LAMB1: variants seen among roughly 807,000 people sequenced by gnomAD.
The protein encoded by LAMB1 is laminin subunit beta 1.
LAMB1 carries 121 observed loss-of-function variants against 222.3 expected under a neutral mutation model. The observed-to-expected ratio is 0.54, with a 90% CI of 0.47 to 0.63. The LOEUF (loss-of-function observed/expected upper bound fraction) is 0.63, where lower values mean the gene tolerates loss of function less well. Among genes scored for constraint, LAMB1 ranks in the 30% least tolerant of loss-of-function variants. The pLI is 0.00. For missense variants in LAMB1, 2,172 were observed against 2,240.8 expected (o/e 0.97, Z 0.62); for synonymous variants, 794 against 807.2 (o/e 0.98, Z 0.28).
At chr7:107,977,270 G>A (rs1030644348) in intron 9 of LAMB1, among the ~76,000 whole-genome samples, 1 of 152,150 alleles carries the variant, frequency 6.6e-6, no homozygotes, top group Non-Finnish European at 1.5e-5. Flanking sequence ...TTCAAGGGGA[G>A]GACATGCATC....
Position 107,986,063 on chromosome 7 carries a change from G to T in LAMB1, c.635C>A (p.Pro212His). ...EGEVIFRALDPAFKIEDPYSP... is the reference protein window; with the variant it reads ...EGEVIFRALDHAFKIEDPYSP... Reference sequence around the variant, plus strand: ...ATAAGGATCTTCTATTTTGAAAGCAGGATCTAAAGCACGAAATATCACCTA... The same window carrying T: ...ATAAGGATCTTCTATTTTGAAAGCATGATCTAAAGCACGAAATATCACCTA... Residue 212 changes from proline to histidine, a missense_variant, in exon 7 of 34, where the codon CCT becomes CAT. Transcript: ENST00000222399. 1 of 1,612,350 alleles carries T rather than the reference G, an allele frequency of 6.2e-7. No homozygotes were observed. The highest frequency in any genetic ancestry group is 1.1e-5 in the South Asian group (1 of 91,016).
At position 107,940,418 on chromosome 7, in the gene LAMB1, G is replaced by A. The variant is rs1050720900; in HGVS notation, c.3392-60C>T. On this transcript the variant is annotated intron_variant, in intron 24 of 33. Coordinates refer to ENST00000222399, the MANE Select transcript of LAMB1 (RefSeq NM_002291.3). ...TAATCATGAACCTCAGTGACAAGATGTGGCATTTAGAATACTCACTTCACT... is the reference window on the plus strand; with the variant it reads ...TAATCATGAACCTCAGTGACAAGATATGGCATTTAGAATACTCACTTCACT... 3.3e-6 allele frequency: 5 copies of A among 1,532,188 alleles called. No homozygotes were observed. The African/African-American group carries it at 6.8e-5, about 21-fold the overall frequency. The allele number at this position is 1,532,188 out of a possible 1,614,324, so 94.9% of individuals were successfully genotyped here.
intron 3 of LAMB1, among the ~76,000 whole-genome samples, chr7:107,999,164 C>T (rs747318992): frequency 1.1e-4 from 16 of 152,228 alleles, no homozygotes; most frequent in Non-Finnish European, 1.5e-4. Flanking sequence ...TGGGCATGAA[C>T]TAGGATGAAG....
Position 107,980,825 on chromosome 7 carries a change from CAAG to C in LAMB1, c.677-17_677-15del, listed in dbSNP as rs1255035291. On this transcript the variant is annotated splice_polypyrimidine_tract_variant and intron_variant, in intron 7 of 33. Transcript: ENST00000222399. The stretch of plus-strand genomic sequence containing the variant: ...TTTTTAATAAATCTAGGAAGGTCAT[CAAG>C]AAGATGAAAAGTCTGATCAGACAAG... 1 of 1,521,570 alleles carries C rather than the reference CAAG, an allele frequency of 6.6e-7. No individual in the cohort carries two copies. The highest frequency in any genetic ancestry group is 9.1e-7 in the Non-Finnish European group (1 of 1,099,292). The allele number at this position is 1,521,570 out of a possible 1,614,324, so 94.3% of individuals were successfully genotyped here.
chr7:107,986,044 A>G lies in LAMB1; in HGVS notation c.654T>C (p.Asp218=), dbSNP rs2034070430. ...TACTCTGTATCCTTGGGCTATAAGG[A>G]TCTTCTATTTTGAAAGCAGGATCTA... The part of the protein sequence containing the change: ...RALDPAFKIE[D]PYSPRIQNLL... The change falls in exon 7 of 34, where the codon GAT becomes GAC. Residue 218 remains aspartate, a synonymous_variant. Transcript: ENST00000222399. 6.2e-7 allele frequency: 1 copy of G among 1,611,140 alleles called. No individual in the cohort carries two copies. The highest frequency in any genetic ancestry group is 1.7e-5 in the Admixed American group (1 of 60,008).
At chr7:107,947,540 A>C (rs991435443) in intron 24 of LAMB1, among the ~76,000 whole-genome samples, 2 of 152,102 alleles carry the variant, frequency 1.3e-5, no homozygotes, top group Non-Finnish European at 2.9e-5. Flanking sequence ...CACAAACATA[A>C]CCAAGAGCCT....
intron 2 of LAMB1, chr7:108,001,966 C>T: frequency 6.9e-7 from 1 of 1,449,348 alleles, no homozygotes; most frequent in East Asian, 2.5e-5. Context: ...CAGGTCTGTC[C>T]AGCAGCGAGA....
chr7:107,989,011 C>T (rs1488208011), intron 5 of LAMB1, among the ~76,000 whole-genome samples: 1 of 152,206 alleles, frequency 6.6e-6, no homozygotes, highest in African/African-American at 2.4e-5. Context: ...CTCGGAGACA[C>T]TGACTTGCTA....
At chr7:107,957,805 A>G (rs536407801) in intron 20 of LAMB1, among the ~76,000 whole-genome samples, 2 of 152,324 alleles carry the variant, frequency 1.3e-5, no homozygotes, top group East Asian at 3.9e-4. Context: ...GAGAAAAAAG[A>G]ATGATGAGAA....
chr7:107,978,298 G>T, intron 8 of LAMB1, 131 bp from the exon 9 acceptor site: 1 of 1,054,568 alleles, frequency 9.5e-7, no homozygotes, highest in Non-Finnish European at 1.4e-6. Flanking sequence ...AGGGTTGTTT[G>T]GTTGTTTTTA....
intron 25 of LAMB1, among the ~76,000 whole-genome samples, chr7:107,937,588 C>G (rs1189719972): frequency 6.6e-6 from 1 of 152,146 alleles, no homozygotes; most frequent in Non-Finnish European, 1.5e-5. Context: ...GGAGTTCTGG[C>G]TCTATTCACA....
At chr7:107,996,938 C>T (rs1397745670) in intron 4 of LAMB1, among the ~76,000 whole-genome samples, 4 of 152,198 alleles carry the variant, frequency 2.6e-5, no homozygotes, top group Admixed American at 2.0e-4. Context: ...TCGGGGTACA[C>T]TGCAGATTTA....
chr7:107,964,660 T>G lies in LAMB1; in HGVS notation c.1590A>C (p.Ser530=), dbSNP rs139481973. The change falls in exon 14 of 34, where the codon TCA becomes TCC. Residue 530 remains serine, a synonymous_variant. Coordinates refer to ENST00000222399, the MANE Select transcript of LAMB1 (RefSeq NM_002291.3). The part of the protein sequence containing the change: ...NSCFAESGQC[S]CRPHMIGRQC... ...GACGTCCAATCATGTGAGGCCGGCA[T>G]GAGCACTGGCCTGACTCCGCAAAGC... 3,836 of 1,614,078 alleles carry G rather than the reference T, an allele frequency of 2.4e-3. 7 individuals are homozygous for G. The highest frequency in any genetic ancestry group is 3.0e-3 in the Non-Finnish European group (3,592 of 1,180,020).
At chr7:107,953,450 C>T (rs1562986376) in intron 22 of LAMB1, 80 bp downstream of exon 22, 1 of 1,048,336 alleles carries the variant, frequency 9.5e-7, no homozygotes, top group African/African-American at 1.6e-5. Context: ...GAAATAAATA[C>T]AGGAAGAATA....
At position 107,970,646 on chromosome 7, in the gene LAMB1, TTC is replaced by T. The variant is rs564356902; in HGVS notation, c.1562+2344_1562+2345del. Among the ~76,000 whole-genome samples, 390 of 152,278 alleles carry T rather than the reference TTC, an allele frequency of 2.6e-3. 3 individuals are homozygous for T. The highest frequency in any genetic ancestry group is 7.7e-3 in the African/African-American group (322 of 41,558). ...GCATTTACCTAGCAACCAATGCCAATTCTTTTTCATTAAAACAGGTAATCTAC... is the reference window on the plus strand; with the variant it reads ...GCATTTACCTAGCAACCAATGCCAATTTTTTCATTAAAACAGGTAATCTAC... On this transcript the variant is annotated intron_variant, in intron 13 of 33. Transcript: ENST00000222399.
intron 9 of LAMB1, 51 bp downstream of exon 9, chr7:107,977,996 T>C (rs754753798): frequency 1.4e-5 from 23 of 1,608,472 alleles, no homozygotes; most frequent in Non-Finnish European, 2.0e-5. Flanking sequence ...AATTAGGAAA[T>C]GGATACTAGA....
Position 107,964,653 on chromosome 7 carries a change from G to A in LAMB1, c.1597C>T (p.Pro533Ser), listed in dbSNP as rs1435414951. The A allele has an allele frequency of 3.1e-6, 5 of 1,613,994 alleles. No individual in the cohort carries two copies. The African/African-American group carries it at 6.7e-5, about 22-fold the overall frequency. Residue 533 changes from proline to serine, a missense_variant, in exon 14 of 34, where the codon CCT (proline) becomes TCT (serine). Physicochemically the swap from Pro to Ser is moderately conservative, Grantham distance 74 (BLOSUM62 -1). Transcript: ENST00000222399. ...TTGCACTGACGTCCAATCATGTGAG[G>A]CCGGCATGAGCACTGGCCTGACTCC... ...FAESGQCSCRPHMIGRQCNEV... is the reference protein window; with the variant it reads ...FAESGQCSCRSHMIGRQCNEV...
chr7:107,987,788 C>A lies in LAMB1; in HGVS notation c.424-1425G>T, dbSNP rs527810658. Among the ~76,000 whole-genome samples the A allele has an allele frequency of 9.2e-5, 14 of 152,320 alleles. No homozygotes were observed. In the South Asian group the frequency reaches 2.7e-3, roughly 29 times the overall value. ...AAGTGAGGGGATTACAAGTGTGAGC[C>A]CCCGCGCCTGGGCCAAACTGGATCT... On this transcript the variant is annotated intron_variant, in intron 5 of 33. Coordinates refer to ENST00000222399, the MANE Select transcript of LAMB1 (RefSeq NM_002291.3).
intron 24 of LAMB1, among the ~76,000 whole-genome samples, chr7:107,946,549 A>G (rs930812882): frequency 6.6e-6 from 1 of 152,262 alleles, no homozygotes; most frequent in Non-Finnish European, 1.5e-5. Context: ...TGTAAAACTT[A>G]TATTAGCTAC....
Sources: allele counts gnomAD v4.1 joint callset (sites outside exome capture counted in the v4.1 genomes callset), GRCh38; gene constraint gnomAD v4.1.1; transcripts MANE v1.5; gene names NCBI Gene and HGNC (gene_info 2026-07-23, HGNC 2026-07-21).